ECPAS: variants seen among roughly 807,000 people sequenced by gnomAD.
The protein encoded by ECPAS is Ecm29 proteasome adaptor and scaffold.
In ECPAS, 70 loss-of-function variants were observed where a neutral mutation model predicts 255.1. The observed-to-expected ratio is 0.27, with a 90% CI of 0.23 to 0.33. The LOEUF is 0.33. ECPAS is among the 10% of genes least tolerant of loss of function. ECPAS has a pLI of 1.00. For synonymous variants in ECPAS, 784 were observed against 775.0 expected (o/e 1.01, Z -0.19); for missense variants, 1,817 against 2,206.4 (o/e 0.82, Z 3.54).
chr9:111,458,749 G>C (rs1328065077), intron 2 of ECPAS, among the ~76,000 whole-genome samples: 2 of 152,156 alleles, frequency 1.3e-5, no homozygotes, highest in Non-Finnish European at 1.5e-5. Flanking sequence ...GTGAGCCGGT[G>C]AGCTTCTATG....
intron 23 of ECPAS, among the ~76,000 whole-genome samples, chr9:111,409,086 T>G (rs2098189814): frequency 6.6e-6 from 1 of 152,224 alleles, no homozygotes; most frequent in South Asian, 2.1e-4. Flanking sequence ...AGATGACAAC[T>G]GTGCCTATTT....
At chr9:111,372,782 A>C (rs1215487426) in intron 41 of ECPAS, among the ~76,000 whole-genome samples, 162 bp from the exon 42 acceptor site, 1 of 152,222 alleles carries the variant, frequency 6.6e-6, no homozygotes, top group Non-Finnish European at 1.5e-5. Flanking sequence ...CTGTAATCCC[A>C]GCACTTTGAG....
chr9:111,402,847 A>G (rs913216859), intron 24 of ECPAS, among the ~76,000 whole-genome samples: 2 of 152,200 alleles, frequency 1.3e-5, no homozygotes, highest in Admixed American at 1.3e-4. Flanking sequence ...AGTAAAACAT[A>G]CTATGAGAAA....
chr9:111,380,729 C>G (rs1003900127), intron 35 of ECPAS, among the ~76,000 whole-genome samples: 1 of 152,224 alleles, frequency 6.6e-6, no homozygotes, highest in African/African-American at 2.4e-5. Context: ...TTAGCTAGAT[C>G]TTCTGGATAA....
At chr9:111,390,124 T>C (rs1414845073) in intron 29 of ECPAS, 23 bp from the exon 30 acceptor site, 1 of 1,379,462 alleles carries the variant, frequency 7.2e-7, no homozygotes, top group Admixed American at 1.9e-5. Flanking sequence ...GAAAAAGAGG[T>C]AGGCAATAAT....
At chr9:111,427,244 C>T (rs564714027) in intron 10 of ECPAS, among the ~76,000 whole-genome samples, 2 of 151,494 alleles carry the variant, frequency 1.3e-5, no homozygotes, top group South Asian at 4.2e-4. Flanking sequence ...AAGAATACTG[C>T]AATAACCAAA....
At position 111,386,314 on chromosome 9, in the gene ECPAS, G is replaced by A. The variant is rs1457447532; in HGVS notation, c.3527+63C>T. 7 of 1,080,952 alleles carry A rather than the reference G, an allele frequency of 6.5e-6. No individual in the cohort carries two copies. In the African/African-American group the frequency reaches 1.1e-4, roughly 17 times the overall value. The allele number at this position is 1,080,952 out of a possible 1,614,324, so 67.0% of individuals were successfully genotyped here. A position where few individuals can be genotyped will look rare whatever the true frequency, so the allele number is the denominator to read the frequency against. ...CCTTTTGCACAAAGTATAAAACCTA[G>A]AAATTTTGAAGGGAAAAAAATTCAG... is the stretch of plus-strand genomic sequence containing the variant. On this transcript the variant is annotated intron_variant, in intron 32 of 49. Transcript: ENST00000684092.
At chr9:111,465,062 C>T (rs1427647886) in intron 2 of ECPAS, among the ~76,000 whole-genome samples, 2 of 151,588 alleles carry the variant, frequency 1.3e-5, no homozygotes, top group Non-Finnish European at 2.9e-5. Context: ...AGCTTAAGCC[C>T]GGGAGGTGGA....
chr9:111,391,282 T>C (rs1363687531), intron 29 of ECPAS, among the ~76,000 whole-genome samples: 2 of 152,084 alleles, frequency 1.3e-5, no homozygotes, highest in Admixed American at 6.5e-5. Context: ...GACACTCAAT[T>C]TAAGACGTCA....
At chr9:111,365,320 T>TCAC (rs1045502026) in intron 48 of ECPAS, among the ~76,000 whole-genome samples, 4 of 145,922 alleles carry the variant, frequency 2.7e-5, no homozygotes, top group African/African-American at 1.0e-4. Flanking sequence ...ATCATCATCA[T>TCAC]CATCACCTGG....
chr9:111,420,391 C>A lies in ECPAS; in HGVS notation c.1456-271G>T, dbSNP rs538982274. Among the ~76,000 whole-genome samples the A allele has an allele frequency of 3.9e-5, 6 of 152,258 alleles. No individual in the cohort carries two copies. In the East Asian group the frequency reaches 9.6e-4, roughly 24 times the overall value. Reference sequence around the variant, plus strand: ...TCCTCCAGGTGAAGTAGGAAGACCTCCAAGGACCATAACTAGAGAATCTCT... The same window carrying A: ...TCCTCCAGGTGAAGTAGGAAGACCTACAAGGACCATAACTAGAGAATCTCT... On this transcript the variant is annotated intron_variant, in intron 15 of 49. Coordinates refer to ENST00000684092, the MANE Select transcript of ECPAS (RefSeq NM_001364929.1).
chr9:111,481,410 G>C (rs953923277), intron 1 of ECPAS, among the ~76,000 whole-genome samples: 4 of 152,302 alleles, frequency 2.6e-5, no homozygotes, highest in African/African-American at 7.2e-5. Context: ...GAGGGCTGAG[G>C]CATAAGAATG....
chr9:111,479,440 A>G (rs2098300751), intron 1 of ECPAS, among the ~76,000 whole-genome samples: 1 of 151,640 alleles, frequency 6.6e-6, no homozygotes. Flanking sequence ...TACCAAAAAA[A>G]AAATTAGCCG....
intron 1 of ECPAS, among the ~76,000 whole-genome samples, chr9:111,477,094 G>A (rs551208111): frequency 1.3e-5 from 2 of 149,012 alleles, no homozygotes; most frequent in African/African-American, 4.9e-5. Context: ...GAGCCACCGC[G>A]CCTGGTCCTT....
chr9:111,408,709 T>A, intron 23 of ECPAS, 37 bp from the exon 24 acceptor site: 1 of 1,306,484 alleles, frequency 7.7e-7, no homozygotes, highest in Non-Finnish European at 1.1e-6. Flanking sequence ...TTAAACAGAG[T>A]ATATAATAGC....
intron 10 of ECPAS, 96 bp downstream of exon 10, chr9:111,427,946 C>A: frequency 1.9e-6 from 2 of 1,043,786 alleles, no homozygotes; most frequent in South Asian, 2.1e-5. Context: ...TATACATCAA[C>A]CTACCCACTG....
At chr9:111,388,288 A>G (rs71501678) in intron 31 of ECPAS, among the ~76,000 whole-genome samples, 24 of 150,404 alleles carry the variant, frequency 1.6e-4, no homozygotes, top group Non-Finnish European at 2.5e-4. Context: ...ACTTATAGAG[A>G]TGACACTCAC....
chr9:111,364,272 A>G (rs1274129711), intron 48 of ECPAS, among the ~76,000 whole-genome samples: 1 of 152,196 alleles, frequency 6.6e-6, no homozygotes, highest in East Asian at 1.9e-4. Flanking sequence ...GGGCCTTATC[A>G]TCTTGTTATG....
Position 111,442,439 on chromosome 9 carries a change from G to A in ECPAS, c.271-15C>T. 1.4e-6 allele frequency: 2 copies of A among 1,415,654 alleles called. No homozygotes were observed. The highest frequency in any genetic ancestry group is 2.3e-5 in the East Asian group (1 of 43,022). The allele number at this position is 1,415,654 out of a possible 1,614,324, so 87.7% of individuals were successfully genotyped here. On this transcript the variant is annotated splice_polypyrimidine_tract_variant and intron_variant, in intron 4 of 49. Coordinates refer to ENST00000684092, the MANE Select transcript of ECPAS (RefSeq NM_001364929.1). The stretch of plus-strand genomic sequence containing the variant: ...ATAGTAAAATTCTAATGCAATAAGA[G>A]AAAAGCAAGTGAGTGTGAAGGAAAT...
Sources: gnomAD v4.1 joint callset for allele counts (sites outside exome capture counted in the v4.1 genomes callset) on GRCh38, gnomAD v4.1.1 for gene constraint, MANE v1.5 for transcripts, NCBI Gene and HGNC (gene_info 2026-07-23, HGNC 2026-07-21) for gene names.